The following LAMB3 variants were observed in gnomAD, a reference collection of about 807,000 sequenced individuals.
The protein encoded by LAMB3 is laminin subunit beta 3.
A neutral mutation model predicts 140.3 loss-of-function variants in LAMB3; 104 were observed. The observed-to-expected ratio is 0.74, with a 90% confidence interval of 0.63 to 0.87. The LOEUF (loss-of-function observed/expected upper bound fraction) is 0.87. Ranked by LOEUF, LAMB3 falls within the 40% of genes least tolerant of loss-of-function variation. LAMB3 has a pLI of 0.00. For missense variants in LAMB3, 1,531 were observed against 1,575.2 expected (o/e 0.97, Z 0.47); for synonymous variants, 592 against 602.9 (o/e 0.98, Z 0.26).
intron 3 of LAMB3, among the ~76,000 whole-genome samples, chr1:209,646,713 G>A (rs1216118288): frequency 6.6e-6 from 1 of 152,212 alleles, no homozygotes; most frequent in Non-Finnish European, 1.5e-5. Flanking sequence ...TCTGCATGTG[G>A]ATGCAGCCAC....
intron 3 of LAMB3, among the ~76,000 whole-genome samples, chr1:209,647,626 G>A (rs929010796): frequency 3.3e-5 from 5 of 152,168 alleles, no homozygotes; most frequent in Non-Finnish European, 5.9e-5. Flanking sequence ...CTACTAGAGA[G>A]GGGTGATAGG....
At chr1:209,640,581 G>C (rs2102450177) in intron 3 of LAMB3, among the ~76,000 whole-genome samples, 1 of 151,574 alleles carries the variant, frequency 6.6e-6, no homozygotes, top group South Asian at 2.1e-4. Context: ...AAATAAAGTA[G>C]CACCCATTGC....
At position 209,618,636 on chromosome 1, in the gene LAMB3, T is replaced by C. The variant is rs1666078643; in HGVS notation, c.2725A>G (p.Ile909Val). ...LTDPDTDAAT[I>V]QEVSEAVLAL... ...AGCACGGCCTCGCTGACCTCCTGGATAGTGGCTGCATCAGTGTCGGGGTCT... is the reference window on the plus strand; with the variant it reads ...AGCACGGCCTCGCTGACCTCCTGGACAGTGGCTGCATCAGTGTCGGGGTCT... Residue 909 changes from isoleucine to valine, a missense_variant, in exon 19 of 23, where the codon ATC becomes GTC. Physicochemically the swap from Ile to Val is conservative, Grantham distance 29. Transcript: ENST00000356082. 6.2e-7 allele frequency: 1 copy of C among 1,611,814 alleles called. No individual in the cohort carries two copies. The highest frequency in any genetic ancestry group is 8.5e-7 in the Non-Finnish European group (1 of 1,179,726).
intron 3 of LAMB3, among the ~76,000 whole-genome samples, chr1:209,648,234 G>A (rs2076534285): frequency 6.6e-6 from 1 of 152,104 alleles, no homozygotes; most frequent in South Asian, 2.1e-4. Context: ...AGAATGTTAG[G>A]GAAAAGGAGG....
rs554528737 is a variant in LAMB3 at position 209,632,700 on chromosome 1, G to A, written c.705C>T (p.Pro235=). 8.1e-6 allele frequency: 13 copies of A among 1,614,208 alleles called. No individual in the cohort carries two copies. In the African/African-American group the frequency reaches 1.3e-4, roughly 17 times the overall value. ...GCTGGGACACAGCATAGTAGGCGCT[G>A]GGAGGGTGGTAGCCCCTTTGGGGCA... is the stretch of plus-strand genomic sequence containing the variant. ...APVPQRGYHP[P]SAYYAVSQLR... is the part of the protein sequence containing the mutation. Residue 235 remains proline, a synonymous_variant, in exon 8 of 23, where the codon CCC becomes CCT. Transcript: ENST00000356082.
Position 209,625,757 on chromosome 1 carries a change from G to T in LAMB3, c.1867C>A (p.Arg623=), listed in dbSNP as rs763369856. The T allele has an allele frequency of 3.1e-6, 5 of 1,614,116 alleles. No individual in the cohort carries two copies. Among genetic ancestry groups the T allele is most frequent in the Non-Finnish European group, 4.2e-6 (5 of 1,180,034 alleles). ...ATCTTACTCTTTGCATCTAGGATCCGGGAGGCCAGGCCACGGTCCTCCAGC... is the reference window on the plus strand; with the variant it reads ...ATCTTACTCTTTGCATCTAGGATCCTGGAGGCCAGGCCACGGTCCTCCAGC... ...PGLEDRGLAS[R]ILDAKSKIEQ... is the part of the protein sequence containing the mutation. The change falls in exon 14 of 23, where the codon CGG becomes AGG. Residue 623 remains arginine, a synonymous_variant. Transcript: ENST00000356082.
Position 209,632,614 on chromosome 1 carries a change from C to T in LAMB3, c.791G>A (p.Gly264Glu). The T allele has an allele frequency of 6.2e-7, 1 of 1,614,096 alleles. No homozygotes were observed. Among genetic ancestry groups the T allele is most frequent in the Non-Finnish European group, 8.5e-7 (1 of 1,179,950 alleles). Residue 264 changes from glycine to glutamate, a missense_variant, in exon 8 of 23, where the codon GGG becomes GAG. Physicochemically the swap from Gly to Glu is moderately conservative, Grantham distance 98. Transcript: ENST00000356082. ...AGCGGTGGAGGGGCCTGCAGAGGCC[C>T]CAGGCTTGGGTGCGCAGCGATCAGC... is the stretch of plus-strand genomic sequence containing the variant. The part of the protein sequence containing the change: ...GHADRCAPKP[G>E]ASAGPSTAVQ...
At chr1:209,618,885 G>A (rs768949370) in intron 18 of LAMB3, 4 of 593,430 alleles carry the variant, frequency 6.7e-6, no homozygotes, top group Non-Finnish European at 1.2e-5. Context: ...CTGCAGCAGG[G>A]AGGAGGAGGG....
At chr1:209,639,651 G>A (rs1287729211) in intron 3 of LAMB3, among the ~76,000 whole-genome samples, 1 of 151,316 alleles carries the variant, frequency 6.6e-6, no homozygotes, top group Non-Finnish European at 1.5e-5. Flanking sequence ...ACGCACACGC[G>A]TGCACATGCG....
At chr1:209,617,003 G>C (rs1665990525) in intron 21 of LAMB3, among the ~76,000 whole-genome samples, 1 of 152,190 alleles carries the variant, frequency 6.6e-6, no homozygotes, top group Non-Finnish European at 1.5e-5. Context: ...CTGAGAATGG[G>C]CTCTTTGATC....
chr1:209,625,672 A>G lies in LAMB3; in HGVS notation c.1952T>C (p.Val651Ala), dbSNP rs533116129. Residue 651 changes from valine (V) to alanine (A), a missense_variant, in exon 14 of 23, where the codon GTG (valine) becomes GCG (alanine). Val to Ala is a moderately conservative substitution (Grantham distance 64). Coordinates refer to ENST00000356082, the MANE Select transcript of LAMB3 (RefSeq NM_000228.3). ...PAVTEQEVAQ[V>A]ASAILSLRRT... is the part of the protein sequence containing the mutation. ...CCTGAGGGAGAGGATGGCACTGGCC[A>G]CCTGAGCCACCTCCTGCTCTGTGAC... 6.2e-7 allele frequency: 1 copy of G among 1,614,090 alleles called. No homozygotes were observed. The highest frequency in any genetic ancestry group is 1.3e-5 in the African/African-American group (1 of 75,044).
chr1:209,630,465 C>T (rs533097877), intron 9 of LAMB3, 150 bp downstream of exon 9: 1 of 903,664 alleles, frequency 1.1e-6, no homozygotes, highest in East Asian at 2.4e-5. Flanking sequence ...CTCACAGAGC[C>T]AGGAGAGCTT....
At chr1:209,624,033 A>G in intron 14 of LAMB3, 33 bp from the exon 15 acceptor site, 1 of 1,600,894 alleles carries the variant, frequency 6.2e-7, no homozygotes, top group Non-Finnish European at 8.5e-7. Context: ...ACTAAAATAT[A>G]GGAGGGAGTT....
intron 18 of LAMB3, 111 bp from the exon 19 acceptor site, chr1:209,618,770 C>T (rs1354332424): frequency 1.6e-5 from 16 of 1,018,048 alleles, no homozygotes; most frequent in Admixed American, 6.0e-5. Flanking sequence ...GCCCCTCTAC[C>T]GTGGTGTCCC....
At chr1:209,615,853 C>T (rs1182867203) in intron 22 of LAMB3, among the ~76,000 whole-genome samples, 2 of 152,186 alleles carry the variant, frequency 1.3e-5, no homozygotes, top group Non-Finnish European at 2.9e-5. Flanking sequence ...CCTGAGCTAT[C>T]TACCCTCCTC....
At chr1:209,643,478 G>C (rs1184099801) in intron 3 of LAMB3, among the ~76,000 whole-genome samples, 3 of 152,212 alleles carry the variant, frequency 2.0e-5, no homozygotes, top group East Asian at 1.9e-4. Flanking sequence ...AGCTGGAAAG[G>C]CTAGGCCTTC....
chr1:209,649,715 G>A (rs953450862), intron 3 of LAMB3, among the ~76,000 whole-genome samples: 4 of 152,216 alleles, frequency 2.6e-5, no homozygotes, highest in Admixed American at 6.5e-5. Flanking sequence ...AAAAGACTCC[G>A]TGTCATCTCA....
chr1:209,623,213 C>A lies in LAMB3; in HGVS notation c.2359-34G>T. 1 of 1,607,192 alleles carries A rather than the reference C, an allele frequency of 6.2e-7. No individual in the cohort carries two copies. Among genetic ancestry groups the A allele is most frequent in the East Asian group, 2.2e-5 (1 of 44,736 alleles). On this transcript the variant is annotated intron_variant, in intron 16 of 22. Coordinates refer to ENST00000356082, the MANE Select transcript of LAMB3 (RefSeq NM_000228.3). This position sits in a 1 kb window ranked among gnomAD's most constrained non-coding sequence, Gnocchi z 4.2. The stretch of plus-strand genomic sequence containing the variant: ...AGATGGCGGTGTTAAAGAGGCTACC[C>A]AAAGCCCCTCAATAACCAATCCCAC...
At chr1:209,632,835 G>A in intron 7 of LAMB3, 59 bp from the exon 8 acceptor site, 1 of 1,537,738 alleles carries the variant, frequency 6.5e-7, no homozygotes, top group Non-Finnish European at 9.0e-7. Context: ...AAGAAAGGAA[G>A]TTAGAGGCAC....
Sources: gnomAD v4.1 joint callset for allele counts (sites outside exome capture counted in the v4.1 genomes callset) on GRCh38, gnomAD v4.1.1 for gene constraint, Gnocchi (gnomAD v3.1) non-coding constraint, MANE v1.5 for transcripts, NCBI Gene and HGNC (gene_info 2026-07-23, HGNC 2026-07-21) for gene names.